Variants in LRRC37A2 observed in about 807,000 individuals in gnomAD.
LRRC37A2 encodes leucine rich repeat containing 37 member A2.
Under a neutral mutation model 68.8 loss-of-function variants are expected in LRRC37A2, and 9 were observed. The ratio of observed to expected loss-of-function variants is 0.13; its 90% confidence interval spans 0.08 to 0.23. The LOEUF (loss-of-function observed/expected upper bound fraction) is 0.23. Among genes scored for constraint, LRRC37A2 ranks in the 10% least tolerant of loss-of-function variants. The pLI is 1.00. For missense variants in LRRC37A2, 168 were observed against 950.4 expected, an observed-to-expected ratio of 0.18 and a Z score of 10.82; for synonymous variants, 63 against 367.6, an observed-to-expected ratio of 0.17 and a Z score of 9.48.
At chr17:46,548,703 G>C (rs777670020) in exon 10 of LRRC37A2, 1 of 1,609,204 alleles carries the variant, frequency 6.2e-7, no homozygotes, top group Admixed American at 1.7e-5. Flanking sequence ...AGAGCATCAG[G>C]AGGGAACAGG....
chr17:46,917,231 C>T, the LRRC37A2 span: 1 of 152,184 alleles, frequency 6.6e-6, no homozygotes, highest in Admixed American at 6.5e-5. Context: ...AGGTGAGACT[C>T]AAGGCATGAT....
intron 11 of LRRC37A2, 170 bp downstream of exon 10, chr17:46,550,689 T>G: frequency 1.5e-6 from 1 of 683,398 alleles, no homozygotes; most frequent in Middle Eastern, 2.8e-4. Flanking sequence ...CAGTGTATAT[T>G]TCAGGATTTT....
chr17:46,737,445 G>A, the LRRC37A2 span, among the ~76,000 whole-genome samples: 10 of 152,138 alleles, frequency 6.6e-5, no homozygotes, highest in African/African-American at 1.7e-4. Context: ...CAACCCTAAC[G>A]CTGAACAAGA....
chr17:46,708,838 T>G, the LRRC37A2 span, among the ~76,000 whole-genome samples: 1 of 137,706 alleles, frequency 7.3e-6, no homozygotes, highest in Non-Finnish European at 1.6e-5. Flanking sequence ...TTTTTTTTTT[T>G]TTTTTGAGAC....
chr17:46,545,258 T>C (rs1486145946), intron 8 of LRRC37A2, among the ~76,000 whole-genome samples: 2 of 140,940 alleles, frequency 1.4e-5, no homozygotes, highest in East Asian at 2.1e-4. Flanking sequence ...ATGGGGAAAC[T>C]CTGTCACTAC....
the LRRC37A2 span, among the ~76,000 whole-genome samples, chr17:46,762,338 G>C: frequency 6.6e-6 from 1 of 152,046 alleles, no homozygotes; most frequent in African/African-American, 2.4e-5. Flanking sequence ...ATGTACTGTG[G>C]TGTATCAGAC....
the LRRC37A2 span, chr17:46,755,353 T>C: frequency 1.2e-6 from 2 of 1,613,570 alleles, no homozygotes; most frequent in African/African-American, 1.3e-5. Flanking sequence ...CTTGGCCCTC[T>C]TAAGAGAAGA....
At chr17:46,472,755 C>CA in the LRRC37A2 span, among the ~76,000 whole-genome samples, 1 of 13,176 alleles carries the variant, frequency 7.6e-5, no homozygotes, top group Admixed American at 7.6e-4. Context: ...AAAAAAAATA[C>CA]AAAAAAAAAA....
chr17:46,823,991 C>T, the LRRC37A2 span, among the ~76,000 whole-genome samples: 1 of 152,270 alleles, frequency 6.6e-6, no homozygotes, highest in South Asian at 2.1e-4. Flanking sequence ...AGGAGTAAGC[C>T]TCTCTCTCAG....
At chr17:47,033,618 T>A in the LRRC37A2 span, among the ~76,000 whole-genome samples, 3 of 152,180 alleles carry the variant, frequency 2.0e-5, no homozygotes, top group Admixed American at 1.3e-4. Context: ...TTTCAGTACA[T>A]TTAAGACAGT....
At chr17:46,503,431 AC>A in the LRRC37A2 span, among the ~76,000 whole-genome samples, 178 of 144,400 alleles carry the variant, frequency 1.2e-3, no homozygotes, top group East Asian at 1.4e-3. Flanking sequence ...GAGCTTATAA[AC>A]CAGTGACAGA....
At chr17:47,035,223 A>G in the LRRC37A2 span, 2 of 152,218 alleles carry the variant, frequency 1.3e-5, no homozygotes, top group East Asian at 3.8e-4. Flanking sequence ...GGTGGTTAGT[A>G]TATTCTCAAG....
chr17:46,983,917 C>A, the LRRC37A2 span: 1 of 152,272 alleles, frequency 6.6e-6, no homozygotes, highest in Non-Finnish European at 1.5e-5. Context: ...CGGCTGTTGG[C>A]AGGAGGCCTG....
chr17:46,895,220 C>T, the LRRC37A2 span, among the ~76,000 whole-genome samples: 1 of 152,242 alleles, frequency 6.6e-6, no homozygotes, highest in African/African-American at 2.4e-5. Context: ...AGCCACCGGT[C>T]AGTGCGGAGG....
At chr17:46,868,996 G>A in the LRRC37A2 span, among the ~76,000 whole-genome samples, 2 of 152,296 alleles carry the variant, frequency 1.3e-5, no homozygotes, top group African/African-American at 2.4e-5. Flanking sequence ...AAGGAAATAC[G>A]ATCCCAAACT....
chr17:46,392,415 C>CTCTCTTTCTT, the LRRC37A2 span, among the ~76,000 whole-genome samples: 1 of 56,196 alleles, frequency 1.8e-5, no homozygotes, highest in African/African-American at 6.1e-5. Flanking sequence ...TTCTTTCTCT[C>CTCTCTTTCTT]TCTCTCTTTC....
At chr17:46,872,496 C>T in the LRRC37A2 span, 1 of 1,471,304 alleles carries the variant, frequency 6.8e-7, no homozygotes, top group Non-Finnish European at 9.0e-7. Context: ...TCACCTGTCT[C>T]CCTCCTCTCG....
chr17:46,814,562 G>T, the LRRC37A2 span, among the ~76,000 whole-genome samples: 640 of 152,304 alleles, frequency 4.2e-3, 10 homozygotes, highest in African/African-American at 0.014. Context: ...CTGGCCATCC[G>T]ATCTGGTATC....
At chr17:46,840,985 A>AT in the LRRC37A2 span, among the ~76,000 whole-genome samples, 1 of 152,176 alleles carries the variant, frequency 6.6e-6, no homozygotes, top group Non-Finnish European at 1.5e-5. Flanking sequence ...TTCCAACTGC[A>AT]TTCTCCTTTC....
Sources: allele counts gnomAD v4.1 joint callset (sites outside exome capture counted in the v4.1 genomes callset), GRCh38; gene constraint gnomAD v4.1.1; transcripts MANE v1.5; gene names NCBI Gene and HGNC (gene_info 2026-07-23, HGNC 2026-07-21).